The following HPGDS variants were observed in gnomAD, a reference collection of about 807,000 sequenced individuals.
The protein encoded by HPGDS is GST class-sigma.
A neutral mutation model predicts 23.1 loss-of-function variants in HPGDS; 26 were observed. That is an observed-to-expected ratio of 1.13 (90% confidence interval 0.83 to 1.56). The LOEUF (loss-of-function observed/expected upper bound fraction) is 1.56. Ranked by LOEUF, HPGDS falls within the 40% of genes most tolerant of loss-of-function variation. The probability of loss-of-function intolerance (pLI) is 0.00; values close to 1 mark genes in which losing one functional copy is unlikely to be tolerated. For synonymous variants in HPGDS, 95 were observed against 77.9 expected (o/e 1.22, Z -1.16); for missense variants, 268 against 236.4 (o/e 1.13, Z -0.88).
intron 4 of HPGDS, among the ~76,000 whole-genome samples, chr4:94,308,110 C>A (rs4082454): frequency 6.6e-6 from 1 of 152,056 alleles, no homozygotes. Flanking sequence ...AAACCAAATT[C>A]ATTTATGTTT....
intron 2 of HPGDS, among the ~76,000 whole-genome samples, chr4:94,323,638 A>G (rs936425863): frequency 4.6e-5 from 7 of 151,146 alleles, no homozygotes; most frequent in African/African-American, 1.2e-4. Context: ...CCATCCCTTT[A>G]TTTTGAGCCT....
At chr4:94,313,609 A>T (rs544381897) in intron 3 of HPGDS, among the ~76,000 whole-genome samples, 1 of 151,738 alleles carries the variant, frequency 6.6e-6, no homozygotes, top group Non-Finnish European at 1.5e-5. Context: ...TCTGACAATT[A>T]TGTGTCTTGG....
At chr4:94,304,293 C>G (rs1189813637) in intron 4 of HPGDS, among the ~76,000 whole-genome samples, 1 of 152,068 alleles carries the variant, frequency 6.6e-6, no homozygotes, top group Admixed American at 6.6e-5. Flanking sequence ...TTCTTCTTCC[C>G]CATCCTGTTC....
At chr4:94,307,208 C>G (rs1756155349) in intron 4 of HPGDS, among the ~76,000 whole-genome samples, 1 of 151,660 alleles carries the variant, frequency 6.6e-6, no homozygotes, top group Admixed American at 6.6e-5. Flanking sequence ...AATAAGGCCC[C>G]AAAAGCCCCA....
At chr4:94,304,862 CTG>C (rs1756111495) in intron 4 of HPGDS, among the ~76,000 whole-genome samples, 2 of 151,896 alleles carry the variant, frequency 1.3e-5, no homozygotes, top group Admixed American at 1.3e-4. Flanking sequence ...GAGGTGGTCT[CTG>C]TTATGGAGCC....
In HPGDS at chr4:94,308,638, A is replaced by T. The variant is rs773927156; in HGVS notation, c.332T>A (p.Val111Glu). ...CFPWAEKKQD[V>E]KEQMFNELLT... is the part of the protein sequence containing the mutation. ...ATAGCAAATGGATCACATTACTTTCACATCTTGCTTTTTCTCTGCCCAAGG... is the reference window on the plus strand; with the variant it reads ...ATAGCAAATGGATCACATTACTTTCTCATCTTGCTTTTTCTCTGCCCAAGG... Residue 111 changes from valine (V) to glutamate (E), a missense_variant, in exon 4 of 6, where the codon GTG (valine) becomes GAG (glutamate). Physicochemically the swap from Val to Glu is moderately radical, Grantham distance 121. Coordinates refer to ENST00000295256, the MANE Select transcript of HPGDS (RefSeq NM_014485.3). The T allele has an allele frequency of 1.3e-6, 2 of 1,554,614 alleles. No homozygotes were observed. Among genetic ancestry groups the T allele is most frequent in the Non-Finnish European group, 1.8e-6 (2 of 1,128,326 alleles).
At chr4:94,324,413 G>A (rs1756585652) in intron 2 of HPGDS, among the ~76,000 whole-genome samples, 1 of 152,054 alleles carries the variant, frequency 6.6e-6, no homozygotes, top group Non-Finnish European at 1.5e-5. Flanking sequence ...TGTAGATCTG[G>A]TCTTTTCACA....
intron 3 of HPGDS, among the ~76,000 whole-genome samples, chr4:94,311,831 A>C (rs938712973): frequency 6.6e-6 from 1 of 151,310 alleles, no homozygotes; most frequent in African/African-American, 2.5e-5. Context: ...TTATTGGACT[A>C]TTCAGAGATT....
At chr4:94,304,812 T>G (rs1209489382) in intron 4 of HPGDS, among the ~76,000 whole-genome samples, 1 of 152,120 alleles carries the variant, frequency 6.6e-6, no homozygotes, top group African/African-American at 2.4e-5. Context: ...AGGTAGAGTG[T>G]TACTCTTATC....
At chr4:94,316,553 A>G (rs993726082) in intron 3 of HPGDS, among the ~76,000 whole-genome samples, 2 of 150,788 alleles carry the variant, frequency 1.3e-5, no homozygotes, top group South Asian at 4.2e-4. Flanking sequence ...CAATTGCATA[A>G]GAAAAAAAGT....
chr4:94,340,299 T>C (rs868110232), intron 1 of HPGDS, among the ~76,000 whole-genome samples: 4 of 74,936 alleles, frequency 5.3e-5, no homozygotes, highest in Admixed American at 3.5e-4. Context: ...CTTTCTTTCT[T>C]TCTTTCTTTC....
intron 2 of HPGDS, among the ~76,000 whole-genome samples, chr4:94,318,631 A>T (rs1013081286): frequency 1.3e-5 from 2 of 152,146 alleles, no homozygotes; most frequent in Non-Finnish European, 2.9e-5. Context: ...ATTTAAAAAA[A>T]TTTATTGAGA....
At chr4:94,322,843 A>T (rs1489398353) in intron 2 of HPGDS, among the ~76,000 whole-genome samples, 1 of 151,818 alleles carries the variant, frequency 6.6e-6, no homozygotes, top group Non-Finnish European at 1.5e-5. Flanking sequence ...TAGTTCTCTT[A>T]ATTGGGATGT....
At chr4:94,324,039 G>T (rs1054363800) in intron 2 of HPGDS, among the ~76,000 whole-genome samples, 3 of 152,190 alleles carry the variant, frequency 2.0e-5, no homozygotes. Context: ...GGCAGGATAT[G>T]AAATTCTGGG....
chr4:94,308,791 A>T, intron 3 of HPGDS, 48 bp from the exon 4 acceptor site: 1 of 1,061,058 alleles, frequency 9.4e-7, no homozygotes, highest in Non-Finnish European at 1.4e-6. Flanking sequence ...TACTATATTA[A>T]AAAGTTTGTT....
chr4:94,330,663 TA>T (rs1164850864), intron 2 of HPGDS, among the ~76,000 whole-genome samples: 1 of 152,226 alleles, frequency 6.6e-6, no homozygotes, highest in Non-Finnish European at 1.5e-5. Flanking sequence ...TTGGACCTCC[TA>T]AACTGAGCCT....
chr4:94,335,153 G>A (rs1560596157), intron 1 of HPGDS, among the ~76,000 whole-genome samples: 1 of 152,106 alleles, frequency 6.6e-6, no homozygotes. Context: ...CTCACCTGTG[G>A]CTTTCCCTCT....
At chr4:94,316,238 A>C (rs564145203) in intron 3 of HPGDS, among the ~76,000 whole-genome samples, 1 of 152,300 alleles carries the variant, frequency 6.6e-6, no homozygotes, top group South Asian at 2.1e-4. Context: ...AGAGAAGAGG[A>C]GAAGGAGGAA....
chr4:94,327,142 C>T (rs1040576880), intron 2 of HPGDS, among the ~76,000 whole-genome samples: 1 of 151,838 alleles, frequency 6.6e-6, no homozygotes, highest in African/African-American at 2.4e-5. Context: ...ATGGGATGCA[C>T]TGGTACCAGC....
Sources: gnomAD v4.1 joint callset for allele counts (sites outside exome capture counted in the v4.1 genomes callset) on GRCh38, gnomAD v4.1.1 for gene constraint, MANE v1.5 for transcripts, NCBI Gene and HGNC (gene_info 2026-07-23, HGNC 2026-07-21) for gene names.